HBP1: variants seen among roughly 807,000 people sequenced by gnomAD.
HBP1 encodes the protein HMG-box transcription factor 1.
A neutral mutation model predicts 62.6 loss-of-function variants in HBP1; 20 were observed. The observed-to-expected ratio is 0.32, with a 90% CI of 0.22 to 0.46. The LOEUF (loss-of-function observed/expected upper bound fraction) is 0.46, where lower values mean the gene tolerates loss of function less well. HBP1 is among the 20% of genes least tolerant of loss of function. The pLI is 1.00. For missense variants in HBP1, 480 were observed against 611.8 expected (o/e 0.78, Z 2.27); for synonymous variants, 232 against 206.2 (o/e 1.12, Z -1.07).
intron 1 of HBP1, chr7:107,169,952 C>T: frequency 6.1e-6 from 6 of 985,558 alleles, no homozygotes; most frequent in Non-Finnish European, 7.2e-6. Context: ...TATGCTGCCA[C>T]CGCAGGCCGA....
chr7:107,201,465 C>T lies in HBP1; in HGVS notation c.*34C>T, dbSNP rs906880981. 2.2e-6 allele frequency: 3 copies of T among 1,394,374 alleles called. No individual in the cohort carries two copies. The African/African-American group carries it at 4.3e-5, about 20-fold the overall frequency. 86.4% of individuals were successfully genotyped at this position (1,394,374 alleles called of 1,614,324 possible). A position where few individuals can be genotyped will look rare whatever the true frequency, so the allele number is the denominator to read the frequency against. On this transcript the variant is annotated 3_prime_UTR_variant, in exon 11 of 11. Transcript: ENST00000222574. ...GCTTATGTTCTTAAGTCTATATTTG[C>T]ATATACATTGACTCTTGATGGAAAG...
In HBP1 at chr7:107,201,721, A is replaced by G; in HGVS notation, c.*290A>G. ...TTGAAAATTGATATCCTGTGGTGCT[A>G]AAGTACAGTAGAAAGAGAGGAGAAG... On this transcript the variant is annotated 3_prime_UTR_variant, in exon 11 of 11. Coordinates refer to ENST00000222574, the MANE Select transcript of HBP1 (RefSeq NM_012257.4). 3.0e-6 allele frequency: 1 copy of G among 334,784 alleles called. No homozygotes were observed. Among genetic ancestry groups the G allele is most frequent in the Non-Finnish European group, 5.4e-6 (1 of 183,970 alleles). The allele number at this position is 334,784 out of a possible 1,614,324, so 20.7% of individuals were successfully genotyped here. A position where few individuals can be genotyped will look rare whatever the true frequency, so the allele number is the denominator to read the frequency against.
At chr7:107,177,239 T>G (rs1480727387) in intron 1 of HBP1, among the ~76,000 whole-genome samples, 1 of 152,218 alleles carries the variant, frequency 6.6e-6, no homozygotes, top group African/African-American at 2.4e-5. Context: ...GAAGAGAAAC[T>G]CAGTCACTTA....
chr7:107,171,073 A>ATATATATTTTTTTTT, intron 1 of HBP1, among the ~76,000 whole-genome samples: 6 of 87,194 alleles, frequency 6.9e-5, no homozygotes, highest in African/African-American at 4.0e-4. Flanking sequence ...ATATATATAT[A>ATATATATTTTTTTTT]TTTTTTTTTT....
chr7:107,169,413 G>A (rs1796436621), intron 1 of HBP1, among the ~76,000 whole-genome samples: 2 of 150,670 alleles, frequency 1.3e-5, no homozygotes, highest in African/African-American at 4.9e-5. Flanking sequence ...GGGGTCTCGG[G>A]CGGGGGCCGG....
chr7:107,201,666 T>C lies in HBP1; in HGVS notation c.*235T>C. 1 of 402,778 alleles carries C rather than the reference T, an allele frequency of 2.5e-6. No individual in the cohort carries two copies. Among genetic ancestry groups the C allele is most frequent in the East Asian group, 3.7e-5 (1 of 26,714 alleles). 25.0% of individuals were successfully genotyped at this position (402,778 alleles called of 1,614,324 possible). A position where few individuals can be genotyped will look rare whatever the true frequency, so the allele number is the denominator to read the frequency against. On this transcript the variant is annotated 3_prime_UTR_variant, in exon 11 of 11. Transcript: ENST00000222574. ...AAATTGCCTTATTTTTCTTCCAAAC[T>C]TCATATATGTCTATCAGGTAATAAT...
At chr7:107,171,073 A>ATATATATATATTTTTTTTTT in intron 1 of HBP1, among the ~76,000 whole-genome samples, 10 of 87,200 alleles carry the variant, frequency 1.1e-4, no homozygotes, top group African/African-American at 4.6e-4. Context: ...ATATATATAT[A>ATATATATATATTTTTTTTTT]TTTTTTTTTT....
intron 9 of HBP1, among the ~76,000 whole-genome samples, chr7:107,198,211 TC>T (rs1320580196): frequency 6.6e-6 from 1 of 151,912 alleles, no homozygotes. Flanking sequence ...TGCTCAAAAA[TC>T]TTTTTTTTTT....
chr7:107,169,774 A>G, intron 1 of HBP1: 1 of 985,170 alleles, frequency 1.0e-6, no homozygotes, highest in Non-Finnish European at 1.2e-6. Flanking sequence ...GCCGAGGGGA[A>G]AAACAAGCCC....
intron 4 of HBP1, 26 bp from the exon 5 acceptor site, chr7:107,186,335 A>G (rs781382404): frequency 7.5e-7 from 1 of 1,339,486 alleles, no homozygotes; most frequent in Non-Finnish European, 1.1e-6. Flanking sequence ...AACAAATAAA[A>G]AAGTTGATAA....
At chr7:107,176,647 A>G (rs1240945745) in intron 1 of HBP1, among the ~76,000 whole-genome samples, 2 of 151,642 alleles carry the variant, frequency 1.3e-5, no homozygotes, top group East Asian at 1.9e-4. Flanking sequence ...AAGCATATGT[A>G]TGATTTCGTG....
At chr7:107,172,638 G>A (rs1796653707) in intron 1 of HBP1, among the ~76,000 whole-genome samples, 2 of 152,166 alleles carry the variant, frequency 1.3e-5, no homozygotes, top group South Asian at 4.1e-4. Flanking sequence ...TGTTGAATGA[G>A]CATGAAATTA....
intron 2 of HBP1, among the ~76,000 whole-genome samples, chr7:107,180,297 C>T (rs1246563104): frequency 6.6e-6 from 1 of 152,148 alleles, no homozygotes; most frequent in Admixed American, 6.5e-5. Flanking sequence ...AACTACTTTA[C>T]TTTGTGTGTA....
chr7:107,185,823 G>A lies in HBP1; in HGVS notation c.421G>A (p.Ala141Thr), dbSNP rs1797324409. 3 of 1,613,598 alleles carry A rather than the reference G, an allele frequency of 1.9e-6. No individual in the cohort carries two copies. Among genetic ancestry groups the A allele is most frequent in the Non-Finnish European group, 2.5e-6 (3 of 1,179,542 alleles). The change falls in exon 4 of 11, where the codon GCC becomes ACC. Residue 141 changes from alanine to threonine, a missense_variant. Around this residue, in one of 4 missense-constraint regions of HBP1, gnomAD observed 304 missense variants for 330.9 expected, o/e 0.92. Transcript: ENST00000222574. ...YNRSSPVHII[A>T]TSKSLHSYAR... ...TAGATCATCTCCTGTACACATCATA[G>A]CCACTAGCAAAAGTTTACATTCCTA...
intron 1 of HBP1, among the ~76,000 whole-genome samples, chr7:107,179,134 A>T (rs753683478): frequency 5.3e-5 from 8 of 152,244 alleles, no homozygotes; most frequent in Non-Finnish European, 1.2e-4. Flanking sequence ...TTAAAATAGA[A>T]TCTTTAAAAA....
chr7:107,174,818 C>A, intron 1 of HBP1: 1 of 433,830 alleles, frequency 2.3e-6, no homozygotes, highest in Non-Finnish European at 3.1e-6. Flanking sequence ...AAGCATAGTA[C>A]GGATATTCAT....
intron 1 of HBP1, among the ~76,000 whole-genome samples, chr7:107,171,036 T>C (rs1488293670): frequency 2.3e-5 from 3 of 131,544 alleles, no homozygotes; most frequent in Non-Finnish European, 3.1e-5. Context: ...ATATAACATA[T>C]ACATGTATAA....
intron 1 of HBP1, among the ~76,000 whole-genome samples, chr7:107,170,425 GT>G (rs11431776): frequency 6.6e-6 from 1 of 150,796 alleles, no homozygotes; most frequent in Non-Finnish European, 1.5e-5. Context: ...TGTACTTTTG[GT>G]TTTTTTTTGC....
At chr7:107,198,684 AAATT>A (rs947700233) in intron 9 of HBP1, among the ~76,000 whole-genome samples, 18 of 105,980 alleles carry the variant, frequency 1.7e-4, no homozygotes, top group African/African-American at 5.1e-4. Context: ...TTCAATGAAT[AAATT>A]CTCATTTGGA....
Sources: gnomAD v4.1 joint callset for allele counts (sites outside exome capture counted in the v4.1 genomes callset) on GRCh38, gnomAD v4.1.1 for gene constraint, gnomAD v4.1.1 regional missense constraint, MANE v1.5 for transcripts, NCBI Gene and HGNC (gene_info 2026-07-23, HGNC 2026-07-21) for gene names.